The following CDH23 variants were observed in gnomAD, a reference collection of about 807,000 sequenced individuals.
CDH23 encodes the protein cadherin-23.
In CDH23, 189 loss-of-function variants were observed where a neutral mutation model predicts 317.1. The observed-to-expected ratio is 0.60, with a 90% CI of 0.53 to 0.67. CDH23 has a LOEUF of 0.67. Ranked by LOEUF, CDH23 falls within the 30% of genes least tolerant of loss-of-function variation. The pLI is 0.00. For missense variants in CDH23, 4,401 were observed against 4,592.4 expected (o/e 0.96, Z 1.20); for synonymous variants, 1,839 against 1,876.8 (o/e 0.98, Z 0.52).
intron 11 of CDH23, among the ~76,000 whole-genome samples, chr10:71,619,779 C>A (rs1861377782): frequency 6.6e-6 from 1 of 152,110 alleles, no homozygotes; most frequent in African/African-American, 2.4e-5. Context: ...AAATGCCAAG[C>A]CAAGGAATTG....
intron 21 of CDH23, among the ~76,000 whole-genome samples, chr10:71,694,548 C>T (rs146138066): frequency 6.6e-6 from 1 of 152,266 alleles, no homozygotes; most frequent in East Asian, 1.9e-4. Context: ...AAGGCATGAG[C>T]CCCATAGGCC....
In CDH23 at chr10:71,439,816, T is replaced by G; in HGVS notation, c.-5-11T>G. 6.4e-7 allele frequency: 1 copy of G among 1,555,988 alleles called. No homozygotes were observed. The highest frequency in any genetic ancestry group is 8.7e-7 in the Non-Finnish European group (1 of 1,148,726). ...AGCTTCTCACCCTCTTCTCTTTCTT[T>G]GTGTCCCCAGGAGCCATGGGGCGCC... On this transcript the variant is annotated splice_polypyrimidine_tract_variant and intron_variant, in intron 1 of 69. Transcript: ENST00000224721.
intron 3 of CDH23, among the ~76,000 whole-genome samples, chr10:71,470,035 A>G (rs894204430): frequency 6.6e-6 from 1 of 151,842 alleles, no homozygotes; most frequent in Admixed American, 6.6e-5. Context: ...AATTTGTGCT[A>G]TGTTGCCCAG....
rs2133008176 is a variant in CDH23, at chr10:71,812,824, G to A, written c.9567G>A (p.Arg3189=). 2 of 1,613,648 alleles carry A rather than the reference G, an allele frequency of 1.2e-6. No homozygotes were observed. The highest frequency in any genetic ancestry group is 1.7e-6 in the Non-Finnish European group (2 of 1,179,728). ...AVKPDDDRYL[R]AAIQEYDNIA... is the part of the protein sequence containing the mutation. ...AGCCTGATGATGACCGATACCTGCG[G>A]GCTGCCATCCAGGAGTATGACAACA... Residue 3189 remains arginine (R), a synonymous_variant, in exon 68 of 70, where the codon CGG becomes CGA. Coordinates refer to ENST00000224721, the MANE Select transcript of CDH23 (RefSeq NM_022124.6).
At chr10:71,789,877 G>A (rs4747191) in intron 45 of CDH23, among the ~76,000 whole-genome samples, 120,155 of 152,168 alleles carry the variant, frequency 0.79, 47,622 homozygotes, top group African/African-American at 0.85. Flanking sequence ...ACATGAGTGG[G>A]TTTTTCTAGT....
chr10:71,428,147 T>C (rs1158932569), intron 1 of CDH23, among the ~76,000 whole-genome samples: 1 of 150,634 alleles, frequency 6.6e-6, no homozygotes, highest in African/African-American at 2.5e-5. Flanking sequence ...TTCTTTTTTT[T>C]TTTTTTTTTT....
At chr10:71,671,644 CT>C (rs1864151906) in intron 14 of CDH23, among the ~76,000 whole-genome samples, 1 of 18,240 alleles carries the variant, frequency 5.5e-5, no homozygotes, top group African/African-American at 1.0e-4. Flanking sequence ...GTCGCTGCCC[CT>C]GCTGCCTGGA....
intron 11 of CDH23, among the ~76,000 whole-genome samples, chr10:71,624,734 C>CTATTATTATTATTATTAT (rs57038733): frequency 1.4e-5 from 2 of 146,214 alleles, no homozygotes; most frequent in African/African-American, 2.5e-5. Flanking sequence ...TAGACATTAG[C>CTATTATTATTATTATTAT]TATTATTATT....
rs7085925 is a variant in CDH23, at chr10:71,807,109, G to A, written c.8179-168G>A. ...CCGTGAGGGCAGAGCTCAGGTCCGCGGGCCATGCTTTGCTCCCTTGAGGTT... is the reference window on the plus strand; with the variant it reads ...CCGTGAGGGCAGAGCTCAGGTCCGCAGGCCATGCTTTGCTCCCTTGAGGTT... On this transcript the variant is annotated intron_variant, in intron 57 of 69. Coordinates refer to ENST00000224721, the MANE Select transcript of CDH23 (RefSeq NM_022124.6). Among the ~76,000 whole-genome samples the A allele has an allele frequency of 4.6e-3, 694 of 152,330 alleles. 7 individuals are homozygous for A. Among genetic ancestry groups the A allele is most frequent in the African/African-American group, 0.016 (647 of 41,574 alleles).
chr10:71,430,065 G>A (rs926861655), intron 1 of CDH23, among the ~76,000 whole-genome samples: 4 of 152,176 alleles, frequency 2.6e-5, no homozygotes, highest in African/African-American at 4.8e-5. Context: ...GAGCCACAGG[G>A]TCAGGGCACA....
intron 18 of CDH23, among the ~76,000 whole-genome samples, chr10:71,683,963 C>T (rs139422162): frequency 0.015 from 2,316 of 152,170 alleles, 23 homozygotes; most frequent in Middle Eastern, 0.027. Context: ...TGCCTGTAAT[C>T]CCAGCTACTT....
chr10:71,439,465 G>A (rs1029018550), intron 1 of CDH23, among the ~76,000 whole-genome samples: 2 of 152,052 alleles, frequency 1.3e-5, no homozygotes, highest in Non-Finnish European at 2.9e-5. Flanking sequence ...TGTGGTCCTG[G>A]AGGCTGAAGG....
chr10:71,424,876 G>A (rs1235791189), intron 1 of CDH23, among the ~76,000 whole-genome samples: 1 of 152,182 alleles, frequency 6.6e-6, no homozygotes, highest in South Asian at 2.1e-4. Context: ...TGCCTGGGGG[G>A]CTGAGAGGAG....
At chr10:71,690,909 T>C (rs1865163418) in intron 20 of CDH23, among the ~76,000 whole-genome samples, 1 of 152,160 alleles carries the variant, frequency 6.6e-6, no homozygotes. Flanking sequence ...AGGGTCCCCC[T>C]CCCTCAGCTG....
Position 71,803,252 on chromosome 10 carries a change from G to T in CDH23, c.7704G>T (p.Gln2568His). The T allele has an allele frequency of 6.3e-7, 1 of 1,598,346 alleles. No homozygotes were observed. The highest frequency in any genetic ancestry group is 2.3e-5 in the East Asian group (1 of 44,028). Residue 2568 changes from glutamine (Q) to histidine (H), a missense_variant, in exon 55 of 70, where the codon CAG becomes CAT. Transcript: ENST00000224721. Reference protein sequence around the residue: ...VDMDSGLVTTQRPLQSYEKFS... With the variant: ...VDMDSGLVTTHRPLQSYEKFS... Reference sequence around the variant, plus strand: ...TGGACTCGGGCTTGGTGACCACACAGCGGCCACTGCAGTCCTACGAGAAGT... The same window carrying T: ...TGGACTCGGGCTTGGTGACCACACATCGGCCACTGCAGTCCTACGAGAAGT...
chr10:71,809,914 C>A lies in CDH23; in HGVS notation c.8817C>A (p.Gly2939=), dbSNP rs1841866465. The A allele has an allele frequency of 6.2e-7, 1 of 1,613,114 alleles. No individual in the cohort carries two copies. The highest frequency in any genetic ancestry group is 8.5e-7 in the Non-Finnish European group (1 of 1,179,878). The change falls in exon 61 of 70, where the codon GGC becomes GGA. Residue 2939 remains glycine, a synonymous_variant. Transcript: ENST00000224721. Reference sequence around the variant, plus strand: ...ACATTGTGGCCCGAGACCTGGCAGGCCACAACGACACGGCCATCATCGGCA... The same window carrying A: ...ACATTGTGGCCCGAGACCTGGCAGGACACAACGACACGGCCATCATCGGCA... ...VVDIVARDLA[G]HNDTAIIGIY... is the part of the protein sequence containing the mutation.
In CDH23 at chr10:71,739,716, G is replaced by A. The variant is rs368798550; in HGVS notation, c.4432G>A (p.Glu1478Lys). The A allele has an allele frequency of 7.6e-5, 122 of 1,613,440 alleles. No homozygotes were observed. Among genetic ancestry groups the A allele is most frequent in the Admixed American group, 2.3e-4 (14 of 59,966 alleles). Residue 1478 changes from glutamate to lysine, a missense_variant, in exon 36 of 70, where the codon GAA becomes AAA. Around this residue, in one of 3 missense-constraint regions of CDH23, gnomAD observed 3,068 missense variants for 3,203.3 expected, o/e 0.96. Transcript: ENST00000224721. ...CGTCACCACCAATGACTCCATTGGC[G>A]AAGTGTTTGTGGCCAGGCCCCTGGA... ...EIVTTNDSIG[E>K]VFVARPLDRE... is the part of the protein sequence containing the mutation.
chr10:71,701,432 A>G lies in CDH23; in HGVS notation c.2398-590A>G, dbSNP rs185607924. Among the ~76,000 whole-genome samples the G allele has an allele frequency of 1.6e-3, 242 of 152,232 alleles. 1 individual carries two copies. Among genetic ancestry groups the G allele is most frequent in the African/African-American group, 3.5e-3 (146 of 41,542 alleles). ...TTCACCGCCCCTGGGTTAGGATGGC[A>G]CTGAGCACTGACCCCTTCATGACGT... On this transcript the variant is annotated intron_variant, in intron 22 of 69. Coordinates refer to ENST00000224721, the MANE Select transcript of CDH23 (RefSeq NM_022124.6).
chr10:71,660,063 C>A (rs950759409), intron 14 of CDH23, among the ~76,000 whole-genome samples: 8 of 146,602 alleles, frequency 5.5e-5, no homozygotes, highest in Admixed American at 2.1e-4. Flanking sequence ...CTGGTTCAAA[C>A]GATTCTCCTG....
Sources: gnomAD v4.1 joint callset for allele counts (sites outside exome capture counted in the v4.1 genomes callset) on GRCh38, gnomAD v4.1.1 for gene constraint, gnomAD v4.1.1 regional missense constraint, MANE v1.5 for transcripts, NCBI Gene and HGNC (gene_info 2026-07-23, HGNC 2026-07-21) for gene names.